CAMTA1: variants seen among roughly 807,000 people sequenced by gnomAD.
CAMTA1 encodes calmodulin-binding transcription activator 1.
CAMTA1 carries 27 observed loss-of-function variants against 170.9 expected under a neutral mutation model. That is an observed-to-expected ratio of 0.16 (90% CI 0.12 to 0.22). The LOEUF (loss-of-function observed/expected upper bound fraction) is 0.22. Among genes scored for constraint, CAMTA1 ranks in the 10% least tolerant of loss-of-function variants. The pLI is 1.00. For missense variants in CAMTA1, 1,619 were observed against 2,217.2 expected, an observed-to-expected ratio of 0.73 and a Z score of 5.42; for synonymous variants, 833 against 891.5, an observed-to-expected ratio of 0.93 and a Z score of 1.17.
At chr1:7,706,596 C>T (rs1352633659) in intron 11 of CAMTA1, among the ~76,000 whole-genome samples, 1 of 152,166 alleles carries the variant, frequency 6.6e-6, no homozygotes, top group Non-Finnish European at 1.5e-5. Flanking sequence ...AAATTTGTTT[C>T]TCTTTTTCTT....
chr1:7,324,532 T>C (rs1678981881), intron 5 of CAMTA1, among the ~76,000 whole-genome samples: 1 of 152,244 alleles, frequency 6.6e-6, no homozygotes, highest in African/African-American at 2.4e-5. Context: ...TTGCATGTGA[T>C]CTTTTTTCTT....
intron 5 of CAMTA1, among the ~76,000 whole-genome samples, chr1:7,355,368 G>C (rs1462096721): frequency 6.6e-6 from 1 of 152,148 alleles, no homozygotes; most frequent in African/African-American, 2.4e-5. Context: ...CTGGGCAACA[G>C]AGCAAGACCC....
intron 4 of CAMTA1, among the ~76,000 whole-genome samples, chr1:7,098,901 A>C (rs140436122): frequency 6.6e-6 from 1 of 151,990 alleles, no homozygotes; most frequent in African/African-American, 2.4e-5. Context: ...GTTGGCCTCC[A>C]TCCCACCCCT....
intron 5 of CAMTA1, among the ~76,000 whole-genome samples, chr1:7,394,763 C>T (rs1468366755): frequency 6.6e-6 from 1 of 151,088 alleles, no homozygotes; most frequent in Non-Finnish European, 1.5e-5. Context: ...TTAAAAAATC[C>T]TTACCCAGAC....
intron 4 of CAMTA1, among the ~76,000 whole-genome samples, chr1:7,150,264 G>A (rs562973539): frequency 1.3e-5 from 2 of 152,276 alleles, no homozygotes; most frequent in South Asian, 2.1e-4. Flanking sequence ...GGCCTGGACC[G>A]GCAGGTGGGC....
chr1:7,421,864 C>T (rs2091581667), intron 5 of CAMTA1, among the ~76,000 whole-genome samples: 4 of 151,992 alleles, frequency 2.6e-5, no homozygotes, highest in African/African-American at 4.8e-5. Context: ...TGGGGCATGA[C>T]CCAGCAGCGC....
chr1:7,685,298 G>A lies in CAMTA1; in HGVS notation c.2914+7565G>A, dbSNP rs2096249113. Among the ~76,000 whole-genome samples the A allele has an allele frequency of 6.6e-6, 1 of 152,188 alleles. No homozygotes were observed. Among genetic ancestry groups the A allele is most frequent in the Non-Finnish European group, 1.5e-5 (1 of 68,034 alleles). On this transcript the variant is annotated intron_variant, in intron 11 of 22. Transcript: ENST00000303635. The surrounding 1 kb of genome is among the most constrained non-coding windows in gnomAD (Gnocchi z 5.7). ...TATGGGAAAGATCAGTTCCTGGCTT[G>A]GAGGAGCCACTCACAGGATGCCCTC... is the stretch of plus-strand genomic sequence containing the variant.
intron 3 of CAMTA1, among the ~76,000 whole-genome samples, chr1:6,910,224 G>A (rs796433758): frequency 6.6e-6 from 1 of 152,310 alleles, no homozygotes; most frequent in African/African-American, 2.4e-5. Context: ...TTCTCCTGCT[G>A]GGTCATAATT....
chr1:7,346,420 C>A (rs929666744), intron 5 of CAMTA1, among the ~76,000 whole-genome samples: 1 of 152,208 alleles, frequency 6.6e-6, no homozygotes, highest in South Asian at 2.1e-4. Flanking sequence ...CTGCTGAGGA[C>A]GGGGGAACTA....
intron 5 of CAMTA1, among the ~76,000 whole-genome samples, chr1:7,391,506 A>G (rs917408612): frequency 3.3e-5 from 5 of 152,164 alleles, no homozygotes; most frequent in East Asian, 3.8e-4. Flanking sequence ...TGGAGATACA[A>G]TTAACATATG....
chr1:7,173,272 G>A lies in CAMTA1; in HGVS notation c.303-76219G>A, dbSNP rs77194283. ...CTGGGCACGATAATCCCCCTGAGGC[G>A]GAGTTGTGAGCTGAAATGAACAGAA... is the stretch of plus-strand genomic sequence containing the variant. On this transcript the variant is annotated intron_variant, in intron 4 of 22. Coordinates refer to ENST00000303635, the MANE Select transcript of CAMTA1 (RefSeq NM_015215.4). The surrounding 1 kb of genome is among the most constrained non-coding windows in gnomAD (Gnocchi z 5.4). 8.0e-3 allele frequency among the ~76,000 whole-genome samples: 1,215 copies of A among 152,306 alleles called. 14 individuals carry two copies. The highest frequency in any genetic ancestry group is 0.027 in the African/African-American group (1,130 of 41,550).
At chr1:7,557,308 G>GAA (rs34354980) in intron 6 of CAMTA1, among the ~76,000 whole-genome samples, 12 of 128,828 alleles carry the variant, frequency 9.3e-5, no homozygotes, top group African/African-American at 1.4e-4. Flanking sequence ...ACTCCGTTCA[G>GAA]AAAAAAAAAA....
At chr1:7,345,448 A>T (rs1253322998) in intron 5 of CAMTA1, among the ~76,000 whole-genome samples, 1 of 152,174 alleles carries the variant, frequency 6.6e-6, no homozygotes, top group East Asian at 1.9e-4. Context: ...CTTTCCCATG[A>T]TCGCCTGCTG....
At chr1:7,087,791 A>G (rs1252979349) in intron 3 of CAMTA1, among the ~76,000 whole-genome samples, 3 of 152,238 alleles carry the variant, frequency 2.0e-5, no homozygotes, top group East Asian at 3.8e-4. Context: ...CCACCTTAGC[A>G]TTGGTGACAT....
At chr1:6,966,611 C>CTTTTTTTT (rs70984045) in intron 3 of CAMTA1, among the ~76,000 whole-genome samples, 8 of 128,180 alleles carry the variant, frequency 6.2e-5, no homozygotes, top group Non-Finnish European at 9.5e-5. Flanking sequence ...CTTTTGAAAC[C>CTTTTTTTT]TTTTTTTTTT....
intron 5 of CAMTA1, among the ~76,000 whole-genome samples, chr1:7,416,063 T>C (rs1369227563): frequency 1.3e-5 from 2 of 152,250 alleles, no homozygotes; most frequent in African/African-American, 4.8e-5. Flanking sequence ...AAAATTCTTT[T>C]TTTTAAGAAT....
rs368654874 is a variant in CAMTA1 at position 7,745,798 on chromosome 1, G to A, written c.4371-47G>A. On this transcript the variant is annotated intron_variant, in intron 17 of 22. Transcript: ENST00000303635. ...CATTCATTAATATCTAATGGGTGGTGCAAATCAATCATTAATCTGTCTCTC... is the reference window on the plus strand; with the variant it reads ...CATTCATTAATATCTAATGGGTGGTACAAATCAATCATTAATCTGTCTCTC... 84 of 1,609,900 alleles carry A rather than the reference G, an allele frequency of 5.2e-5. No homozygotes were observed. The African/African-American group carries it at 6.7e-4, about 13-fold the overall frequency.
At chr1:7,148,361 CACAT>C (rs1220059022) in intron 4 of CAMTA1, among the ~76,000 whole-genome samples, 1 of 152,106 alleles carries the variant, frequency 6.6e-6, no homozygotes, top group Non-Finnish European at 1.5e-5. Flanking sequence ...ACTACCCACA[CACAT>C]ACACACCACA....
chr1:7,042,572 G>A (rs948745534), intron 3 of CAMTA1, among the ~76,000 whole-genome samples: 10 of 152,206 alleles, frequency 6.6e-5, no homozygotes, highest in South Asian at 4.1e-4. Flanking sequence ...CCCTGAGCCC[G>A]TGCCCTCTAA....
Sources: allele counts gnomAD v4.1 joint callset (sites outside exome capture counted in the v4.1 genomes callset), GRCh38; gene constraint gnomAD v4.1.1; non-coding constraint Gnocchi (gnomAD v3.1); transcripts MANE v1.5; gene names NCBI Gene and HGNC (gene_info 2026-07-23, HGNC 2026-07-21).